Variants in LRRC43 observed in about 807,000 individuals in gnomAD.
The protein encoded by LRRC43 is leucine rich repeat containing 43.
A neutral mutation model predicts 64.3 loss-of-function variants in LRRC43; 62 were observed. The observed-to-expected ratio is 0.96, with a 90% CI of 0.79 to 1.19. LRRC43 has a LOEUF of 1.19. LRRC43 is among the 50% of genes most tolerant of loss of function. The pLI is 0.00. For missense variants in LRRC43, 868 were observed against 845.0 expected, an observed-to-expected ratio of 1.03 and a Z score of -0.34; for synonymous variants, 422 against 382.3, an observed-to-expected ratio of 1.10 and a Z score of -1.21.
chr12:122,177,511 GTGTGTGTT>G (rs1270932688), intron 1 of LRRC43, among the ~76,000 whole-genome samples: 29 of 142,462 alleles, frequency 2.0e-4, no homozygotes, highest in African/African-American at 7.1e-4. Context: ...GTGTGTGTGT[GTGTGTGTT>G]TAATAGAAAG....
chr12:122,186,708 C>A (rs2136034901), intron 3 of LRRC43, among the ~76,000 whole-genome samples: 1 of 152,288 alleles, frequency 6.6e-6, no homozygotes, highest in East Asian at 1.9e-4. Flanking sequence ...CACCTGAGGT[C>A]AGGAGTTTGA....
intron 1 of LRRC43, among the ~76,000 whole-genome samples, chr12:122,175,588 C>T (rs780096667): frequency 6.6e-6 from 1 of 151,802 alleles, no homozygotes; most frequent in African/African-American, 2.4e-5. Flanking sequence ...ACGGCAGCCC[C>T]GATCCCCTGG....
chr12:122,175,154 T>TTTTCTTTCTTTCTTTCTTTC (rs536364664), intron 1 of LRRC43, among the ~76,000 whole-genome samples: 10 of 150,996 alleles, frequency 6.6e-5, no homozygotes, highest in African/African-American at 2.2e-4. Context: ...ACTTTATTGC[T>TTTTCTTTCTTTCTTTCTTTC]TTTCTTTCTT....
At chr12:122,193,077 T>C in intron 7 of LRRC43, 73 bp downstream of exon 7, 1 of 1,515,890 alleles carries the variant, frequency 6.6e-7, no homozygotes. Context: ...CACTGCGACC[T>C]TCCATTAAAA....
intron 7 of LRRC43, among the ~76,000 whole-genome samples, chr12:122,198,929 G>C (rs951558732): frequency 6.6e-6 from 1 of 151,508 alleles, no homozygotes; most frequent in Non-Finnish European, 1.5e-5. Context: ...CACTGAGCCC[G>C]GCCCATATCA....
At chr12:122,193,379 C>CAAAAA (rs1454068315) in intron 7 of LRRC43, among the ~76,000 whole-genome samples, 7 of 44,038 alleles carry the variant, frequency 1.6e-4, no homozygotes, top group Admixed American at 3.9e-4. Context: ...GACTCCGTCT[C>CAAAAA]ATAAAAAAAA....
intron 4 of LRRC43, chr12:122,189,555 G>T (rs759035202): frequency 2.2e-6 from 1 of 454,622 alleles, no homozygotes; most frequent in Admixed American, 2.4e-5. Flanking sequence ...TCTTGGTCTG[G>T]CCACAGGCCT....
intron 2 of LRRC43, among the ~76,000 whole-genome samples, chr12:122,185,533 A>T (rs899139260): frequency 1.2e-4 from 19 of 152,218 alleles, no homozygotes; most frequent in South Asian, 6.2e-4. Flanking sequence ...AAATAAAGCC[A>T]GCAAGCCAGC....
At chr12:122,182,098 A>G (rs1334007729), upstream of LRRC43, among the ~76,000 whole-genome samples, 1 of 151,762 alleles carries the variant, frequency 6.6e-6, no homozygotes, top group Non-Finnish European at 1.5e-5. Flanking sequence ...TTATAAAAGA[A>G]GCTTCATGGC....
At chr12:122,203,239 T>TG in intron 11 of LRRC43, 76 bp from the exon 12 acceptor site, 1 of 1,546,296 alleles carries the variant, frequency 6.5e-7, no homozygotes, top group Non-Finnish European at 8.8e-7. Context: ...GGCTTGCATA[T>TG]GGGATGGGTC....
intron 1 of LRRC43, chr12:122,172,584 A>G (rs776209361): frequency 9.9e-6 from 16 of 1,614,072 alleles, no homozygotes; most frequent in South Asian, 4.4e-5. Context: ...GAGGTGCTCT[A>G]TGATCTCATC....
chr12:122,172,187 A>C (rs1228564471), intron 1 of LRRC43: 1 of 483,516 alleles, frequency 2.1e-6, no homozygotes, highest in African/African-American at 1.9e-5. Context: ...TGCAGAAGAA[A>C]AGCATTCCAT....
In LRRC43 at chr12:122,203,420, C is replaced by A; in HGVS notation, c.1949C>A (p.Ala650Asp). 3.7e-6 allele frequency: 6 copies of A among 1,611,654 alleles called. No homozygotes were observed. Among genetic ancestry groups the A allele is most frequent in the Non-Finnish European group, 5.1e-6 (6 of 1,179,566 alleles). Residue 650 changes from alanine to aspartate, a missense_variant, in exon 12 of 12, where the codon GCT (alanine) becomes GAT (aspartate). Transcript: ENST00000339777. ...AACCAGTGCCGCTCGGCGGAGGAGG[C>A]TCTGCGCATGTTCGCCGTGTAGGGC... ...QLNQCRSAEE[A>D]LRMFAV
Position 122,203,438 on chromosome 12 carries a change from T to G in LRRC43, c.1967T>G (p.Val656Gly), listed in dbSNP as rs768135925. 6.2e-7 allele frequency: 1 copy of G among 1,610,416 alleles called. No individual in the cohort carries two copies. Among genetic ancestry groups the G allele is most frequent in the Admixed American group, 1.7e-5 (1 of 59,962 alleles). Reference protein sequence around the residue: ...SAEEALRMFAV With the variant: ...SAEEALRMFAG ...GAGGAGGCTCTGCGCATGTTCGCCGTGTAGGGCGTGGGCAGTAAAGGCTGT... is the reference window on the plus strand; with the variant it reads ...GAGGAGGCTCTGCGCATGTTCGCCGGGTAGGGCGTGGGCAGTAAAGGCTGT... Residue 656 changes from valine (V) to glycine (G), a missense_variant, in exon 12 of 12, where the codon GTG (valine) becomes GGG (glycine). Coordinates refer to ENST00000339777, the MANE Select transcript of LRRC43 (RefSeq NM_001098519.2).
intron 7 of LRRC43, among the ~76,000 whole-genome samples, chr12:122,196,347 A>T (rs952196649): frequency 5.3e-5 from 8 of 152,190 alleles, no homozygotes; most frequent in Admixed American, 5.2e-4. Context: ...TTTTCCATAC[A>T]ATTATTTGCC....
intron 1 of LRRC43, among the ~76,000 whole-genome samples, chr12:122,173,108 T>C (rs536883370): frequency 6.6e-6 from 1 of 151,348 alleles, no homozygotes; most frequent in South Asian, 2.1e-4. Context: ...TAAAGGAGAG[T>C]GTTAGGCTTG....
Position 122,184,528 on chromosome 12 carries a change from C to T in LRRC43, c.160C>T (p.Arg54Cys), listed in dbSNP as rs774506201. ...PCGAGSWNKSRFLPQTWRTWR... is the reference protein window; with the variant it reads ...PCGAGSWNKSCFLPQTWRTWR... ...TCCTCTGCCACTGCAGAATAAGTCG[C>T]GCTTTCTTCCTCAAACTTGGCGAAC... Residue 54 changes from arginine to cysteine, a missense_variant, in exon 2 of 12, where the codon CGC becomes TGC. Arg to Cys is a radical substitution (Grantham distance 180, BLOSUM62 -3). Transcript: ENST00000339777. This position sits in a 1 kb window ranked among gnomAD's most constrained non-coding sequence, Gnocchi z 4.0. 1.7e-5 allele frequency: 28 copies of T among 1,613,170 alleles called. 1 individual carries two copies. The highest frequency in any genetic ancestry group is 1.6e-4 in the Middle Eastern group (1 of 6,080).
intron 3 of LRRC43, chr12:122,187,473 T>A (rs1810226296): frequency 2.1e-6 from 1 of 485,830 alleles, no homozygotes; most frequent in African/African-American, 1.9e-5. Flanking sequence ...TCACCCCCCA[T>A]TCCAGATGTT....
chr12:122,197,562 GC>G (rs1477732436), intron 7 of LRRC43, among the ~76,000 whole-genome samples: 1 of 152,088 alleles, frequency 6.6e-6, no homozygotes, highest in African/African-American at 2.4e-5. Context: ...AAGGTTGGCT[GC>G]CAGTACTCAG....
Sources: allele counts gnomAD v4.1 joint callset (sites outside exome capture counted in the v4.1 genomes callset), GRCh38; gene constraint gnomAD v4.1.1; non-coding constraint Gnocchi (gnomAD v3.1); transcripts MANE v1.5; gene names NCBI Gene and HGNC (gene_info 2026-07-23, HGNC 2026-07-21).